RCOR1: variants seen among roughly 807,000 people sequenced by gnomAD.
RCOR1 encodes the protein REST corepressor 1.
Under a neutral mutation model 64.0 loss-of-function variants are expected in RCOR1, and 12 were observed. The observed-to-expected ratio is 0.19, with a 90% CI of 0.12 to 0.30. The LOEUF (loss-of-function observed/expected upper bound fraction) is 0.30, where lower values mean the gene tolerates loss of function less well. Among genes scored for constraint, RCOR1 ranks in the 10% least tolerant of loss-of-function variants. The probability of loss-of-function intolerance (pLI) is 1.00; values close to 1 mark genes in which losing one functional copy is unlikely to be tolerated. For synonymous variants in RCOR1, 279 were observed against 227.2 expected (o/e 1.23, Z -2.05); for missense variants, 502 against 621.2 (o/e 0.81, Z 2.04).
At chr14:102,598,872 TAAAAAA>T (rs879879484) in intron 2 of RCOR1, among the ~76,000 whole-genome samples, 2 of 146,624 alleles carry the variant, frequency 1.4e-5, no homozygotes, top group Non-Finnish European at 3.0e-5. Flanking sequence ...TTTAAAGAGT[TAAAAAA>T]AAAAAGAGTT....
chr14:102,663,881 C>T (rs750001375), intron 2 of RCOR1, among the ~76,000 whole-genome samples: 1 of 152,144 alleles, frequency 6.6e-6, no homozygotes, highest in Non-Finnish European at 1.5e-5. Flanking sequence ...TCTGGTTTCT[C>T]TTAGAGAAAA....
chr14:102,729,138 TAAGTTA>T lies in RCOR1; in HGVS notation c.*2633_*2638del. On this transcript the variant is annotated 3_prime_UTR_variant, in exon 12 of 12. Transcript: ENST00000262241. ...TTTGTGGAAAATTTTCTCCTAAGTA[TAAGTTA>T]TTGTGCAAAATATAGTGTCATTGAT... 1 of 152,774 alleles carries T rather than the reference TAAGTTA, an allele frequency of 6.5e-6. No individual in the cohort carries two copies. Among genetic ancestry groups the T allele is most frequent in the Non-Finnish European group, 1.5e-5 (1 of 68,030 alleles). 9.5% of individuals were successfully genotyped at this position (152,774 alleles called of 1,614,324 possible).
intron 2 of RCOR1, among the ~76,000 whole-genome samples, chr14:102,673,080 AC>A (rs763945932): frequency 4.3e-4 from 66 of 152,368 alleles, no homozygotes; most frequent in South Asian, 1.2e-3. Flanking sequence ...TTACAGTGTT[AC>A]AAAGCAAGAT....
chr14:102,724,974 C>G (rs1896232571), intron 11 of RCOR1, among the ~76,000 whole-genome samples: 1 of 152,160 alleles, frequency 6.6e-6, no homozygotes, highest in Non-Finnish European at 1.5e-5. Flanking sequence ...CCTAGAAGTT[C>G]TAGTAACAGA....
At chr14:102,711,093 C>T (rs1020106487) in intron 7 of RCOR1, 80 bp downstream of exon 7, 10 of 906,996 alleles carry the variant, frequency 1.1e-5, no homozygotes, top group Non-Finnish European at 1.7e-5. Context: ...GTTGCTTGTT[C>T]TACTTAATAT....
intron 3 of RCOR1, among the ~76,000 whole-genome samples, chr14:102,684,272 T>C (rs1407668511): frequency 2.6e-5 from 4 of 152,194 alleles, no homozygotes; most frequent in Admixed American, 2.0e-4. Context: ...GTTCACGTTA[T>C]GAAAATTGAA....
intron 7 of RCOR1, among the ~76,000 whole-genome samples, chr14:102,712,947 GTTTTTTT>G (rs67246962): frequency 4.4e-4 from 34 of 77,710 alleles, no homozygotes; most frequent in African/African-American, 1.3e-3. Flanking sequence ...CTAAATCATT[GTTTTTTT>G]TTTTTTTTTT....
chr14:102,657,199 G>A (rs1348207711), intron 2 of RCOR1: 3 of 984,974 alleles, frequency 3.0e-6, no homozygotes, highest in African/African-American at 3.5e-5. Flanking sequence ...TTTGCAAAGT[G>A]TTGTGCCTCA....
intron 2 of RCOR1, chr14:102,651,023 C>G: frequency 1.0e-5 from 10 of 963,932 alleles, no homozygotes; most frequent in Non-Finnish European, 1.2e-5. Context: ...TCATTTAAAA[C>G]ACTAACTCCT....
At chr14:102,679,308 T>TA (rs1567433293) in intron 2 of RCOR1, among the ~76,000 whole-genome samples, 68 of 152,172 alleles carry the variant, frequency 4.5e-4, no homozygotes, top group African/African-American at 1.6e-3. Context: ...CCAAATTTTT[T>TA]TAAAAAAATG....
At chr14:102,599,534 C>T (rs1377559095) in intron 2 of RCOR1, among the ~76,000 whole-genome samples, 1 of 152,066 alleles carries the variant, frequency 6.6e-6, no homozygotes, top group Non-Finnish European at 1.5e-5. Context: ...GATAGTGGCC[C>T]TTTAAAAAAG....
At chr14:102,726,364 C>A in intron 11 of RCOR1, 104 bp from the exon 12 acceptor site, 1 of 970,632 alleles carries the variant, frequency 1.0e-6, no homozygotes, top group Non-Finnish European at 1.5e-6. Context: ...GTTTGCTCTG[C>A]AGGTTTGCTG....
chr14:102,693,218 C>A (rs1895572682), intron 3 of RCOR1, among the ~76,000 whole-genome samples: 1 of 152,126 alleles, frequency 6.6e-6, no homozygotes, highest in Admixed American at 6.5e-5. Context: ...ATTCATAGTT[C>A]TTTTTCTCGG....
intron 2 of RCOR1, among the ~76,000 whole-genome samples, chr14:102,661,120 G>T (rs1046310402): frequency 4.6e-5 from 7 of 152,180 alleles, no homozygotes; most frequent in Non-Finnish European, 1.5e-5. Flanking sequence ...GCTGAGGCAG[G>T]TGGATTGCTT....
At chr14:102,622,636 G>GC (rs1020434916) in intron 2 of RCOR1, among the ~76,000 whole-genome samples, 3 of 151,086 alleles carry the variant, frequency 2.0e-5, no homozygotes, top group South Asian at 2.1e-4. Context: ...TGTGATTTCC[G>GC]CCCCCCGCCC....
chr14:102,704,967 A>C (rs1895820955), intron 4 of RCOR1, among the ~76,000 whole-genome samples: 1 of 152,152 alleles, frequency 6.6e-6, no homozygotes, highest in Non-Finnish European at 1.5e-5. Flanking sequence ...TCTAAAAAAA[A>C]GTTTAAAAAT....
intron 2 of RCOR1, among the ~76,000 whole-genome samples, chr14:102,593,817 C>T (rs1236236495): frequency 5.9e-5 from 9 of 152,182 alleles, no homozygotes; most frequent in Admixed American, 5.2e-4. Flanking sequence ...CCTGACTGCC[C>T]TCCCATCCAG....
At chr14:102,710,349 A>G (rs1317549478) in intron 6 of RCOR1, among the ~76,000 whole-genome samples, 10 of 152,218 alleles carry the variant, frequency 6.6e-5, no homozygotes, top group Non-Finnish European at 4.4e-5. Context: ...TACTACATTC[A>G]GGATATTACA....
At chr14:102,602,211 T>G (rs1201702601) in intron 2 of RCOR1, among the ~76,000 whole-genome samples, 1 of 152,060 alleles carries the variant, frequency 6.6e-6, no homozygotes, top group Non-Finnish European at 1.5e-5. Context: ...AGTGTTTTTG[T>G]AAATGGAATA....
Sources: allele counts gnomAD v4.1 joint callset (sites outside exome capture counted in the v4.1 genomes callset), GRCh38; gene constraint gnomAD v4.1.1; transcripts MANE v1.5; gene names NCBI Gene and HGNC (gene_info 2026-07-23, HGNC 2026-07-21).